Variants in MYO10 observed in about 807,000 individuals in gnomAD.
MYO10 encodes the protein myosin X, also known as unconventional myosin-X.
In MYO10, 133 loss-of-function variants were observed where a neutral mutation model predicts 257.3. The ratio of observed to expected loss-of-function variants is 0.52; its 90% CI spans 0.45 to 0.60. The LOEUF (loss-of-function observed/expected upper bound fraction) is 0.60. MYO10 is among the 20% of genes least tolerant of loss of function. MYO10 has a pLI of 0.00. For missense variants in MYO10, 2,399 were observed against 2,635.7 expected (o/e 0.91, Z 1.97); for synonymous variants, 1,104 against 1,028.6 (o/e 1.07, Z -1.40).
chr5:16,719,993 T>TGC (rs1460095152), intron 19 of MYO10, among the ~76,000 whole-genome samples: 5 of 125,332 alleles, frequency 4.0e-5, no homozygotes, highest in African/African-American at 2.5e-4. Flanking sequence ...TGCGTGCGTG[T>TGC]GTGTGTGTGT....
At chr5:16,691,370 T>C (rs1408846004) in intron 27 of MYO10, among the ~76,000 whole-genome samples, 3 of 151,126 alleles carry the variant, frequency 2.0e-5, no homozygotes, top group African/African-American at 7.3e-5. Context: ...TCTGACCTCA[T>C]AGCTAGAATC....
chr5:16,930,800 C>G (rs1701719367), intron 1 of MYO10, among the ~76,000 whole-genome samples: 1 of 152,156 alleles, frequency 6.6e-6, no homozygotes, highest in Admixed American at 6.5e-5. Flanking sequence ...TCGGAGGGAG[C>G]CAAGCGCTAC....
intron 2 of MYO10, among the ~76,000 whole-genome samples, chr5:16,823,467 G>GGGGTTTTTT (rs1561003861): frequency 0.016 from 65 of 3,984 alleles, 17 homozygotes; most frequent in Non-Finnish European, 0.03. Flanking sequence ...GGGGAGTGGG[G>GGGGTTTTTT]ATTTTTTTTT....
At position 16,732,572 on chromosome 5, in the gene MYO10, T is replaced by C. The variant is rs1306882421; in HGVS notation, c.1930-21327A>G. On this transcript the variant is annotated intron_variant, in intron 19 of 40. Coordinates refer to ENST00000513610, the MANE Select transcript of MYO10 (RefSeq NM_012334.3). ...GAGAAATACAAATTAGGAGGGCAGCTGTCTCTCTTTGTAGATGTTGCCAAG... is the reference window on the plus strand; with the variant it reads ...GAGAAATACAAATTAGGAGGGCAGCCGTCTCTCTTTGTAGATGTTGCCAAG... Among the ~76,000 whole-genome samples, 3 of 152,232 alleles carry C rather than the reference T, an allele frequency of 2.0e-5. No individual in the cohort carries two copies. In the East Asian group the frequency reaches 5.8e-4, roughly 29 times the overall value.
chr5:16,672,911 GGGAGCTGCTGGCACAA>G, intron 36 of MYO10, 86 bp from the exon 37 acceptor site: 2 of 1,468,642 alleles, frequency 1.4e-6, no homozygotes, highest in Non-Finnish European at 9.1e-7. Context: ...TGATCCCAGA[GGGAGCTGCTGGCACAA>G]GGGCGTCTCC....
intron 30 of MYO10, 61 bp from the exon 31 acceptor site, chr5:16,682,074 T>C (rs1343610103): frequency 1.9e-6 from 3 of 1,564,284 alleles, no homozygotes; most frequent in East Asian, 2.2e-5. Context: ...ATCACCTCTG[T>C]GTGAACCGAG....
intron 1 of MYO10, among the ~76,000 whole-genome samples, chr5:16,925,646 A>G (rs1746111020): frequency 6.6e-6 from 1 of 151,810 alleles, no homozygotes; most frequent in Non-Finnish European, 1.5e-5. Flanking sequence ...TCCTGACCTC[A>G]GGTGATCCAC....
At chr5:16,669,414 C>G (rs1313042632) in intron 39 of MYO10, among the ~76,000 whole-genome samples, 4 of 152,068 alleles carry the variant, frequency 2.6e-5, no homozygotes, top group Non-Finnish European at 2.9e-5. Flanking sequence ...CCGTGTTAGC[C>G]AGGATGGTCT....
chr5:16,914,477 T>A (rs535637004), intron 1 of MYO10, among the ~76,000 whole-genome samples: 95 of 152,352 alleles, frequency 6.2e-4, no homozygotes, highest in Middle Eastern at 3.4e-3. Context: ...ATCAGTGATA[T>A]CTGACAGAAC....
chr5:16,885,697 G>A (rs57103652), intron 1 of MYO10, among the ~76,000 whole-genome samples: 2,911 of 152,004 alleles, frequency 0.019, 99 homozygotes, highest in African/African-American at 0.067. Context: ...AAAAAACGGC[G>A]GGGGTTGGGG....
chr5:16,912,052 G>GTTGTTTGTTTGTTTGT (rs372889905), intron 1 of MYO10, among the ~76,000 whole-genome samples: 21 of 151,982 alleles, frequency 1.4e-4, no homozygotes, highest in African/African-American at 5.1e-4. Context: ...AAAAAATTAG[G>GTTGTTTGTTTGTTTGT]TTGTTTGTTT....
chr5:16,834,165 T>C (rs31506), intron 2 of MYO10, among the ~76,000 whole-genome samples: 105,845 of 151,764 alleles, frequency 0.7, 37,496 homozygotes, highest in East Asian at 0.83. Context: ...CTCTTTTGAG[T>C]TTCCCCACCA....
chr5:16,729,107 T>C (rs566843982), intron 19 of MYO10, among the ~76,000 whole-genome samples: 1 of 152,214 alleles, frequency 6.6e-6, no homozygotes, highest in African/African-American at 2.4e-5. Flanking sequence ...TTGAGATGCA[T>C]TGTTCTAGAA....
At position 16,701,086 on chromosome 5, in the gene MYO10, G is replaced by A. The variant is rs376020827; in HGVS notation, c.3309C>T (p.Ser1103=). The change falls in exon 25 of 41, where the codon TCC becomes TCT. Residue 1103 remains serine, a synonymous_variant. Coordinates refer to ENST00000513610, the MANE Select transcript of MYO10 (RefSeq NM_012334.3). This position sits in a 1 kb window ranked among gnomAD's most constrained non-coding sequence, Gnocchi z 8.1. ...AGTTGGAGAAGGTCACGCTGCTGCC[G>A]GAAGTGATGGCACCGTCCTCATAGT... ...QDDYEDGAIT[S]GSSVTFSNSY... The A allele has an allele frequency of 5.6e-5, 88 of 1,582,184 alleles. No homozygotes were observed. The African/African-American group carries it at 9.0e-4, about 16-fold the overall frequency.
chr5:16,674,487 G>A (rs1736628066), intron 35 of MYO10, among the ~76,000 whole-genome samples: 3 of 151,502 alleles, frequency 2.0e-5, no homozygotes, highest in Admixed American at 6.6e-5. Flanking sequence ...GAAAAGAAAA[G>A]ACACTTCTTT....
intron 1 of MYO10, among the ~76,000 whole-genome samples, chr5:16,907,579 G>C (rs1343839435): frequency 6.6e-6 from 1 of 152,160 alleles, no homozygotes; most frequent in Admixed American, 6.5e-5. Flanking sequence ...CACTAACAAT[G>C]TCCGAAAGGA....
intron 18 of MYO10, among the ~76,000 whole-genome samples, chr5:16,756,245 T>C (rs1329296509): frequency 6.6e-6 from 1 of 152,108 alleles, no homozygotes; most frequent in East Asian, 1.9e-4. Context: ...TTAATTTTTT[T>C]TGTAGAGATG....
intron 19 of MYO10, among the ~76,000 whole-genome samples, chr5:16,752,677 C>T (rs1248255387): frequency 2.0e-5 from 3 of 152,176 alleles, no homozygotes; most frequent in African/African-American, 4.8e-5. Context: ...GAGGAGAGAA[C>T]GCCATCGGAT....
chr5:16,701,417 ACCT>A lies in MYO10; in HGVS notation c.2975_2977del (p.Glu992del), dbSNP rs1738062641. The A allele has an allele frequency of 6.2e-7, 1 of 1,613,426 alleles. No individual in the cohort carries two copies. The highest frequency in any genetic ancestry group is 1.3e-5 in the African/African-American group (1 of 74,822). On this transcript the variant is annotated inframe_deletion, in exon 25 of 41. Coordinates refer to ENST00000513610, the MANE Select transcript of MYO10 (RefSeq NM_012334.3). The surrounding 1 kb of genome is among the most constrained non-coding windows in gnomAD (Gnocchi z 8.1). ...GTCGTCGGCTTCGAAGCCCTCATCG[ACCT>A]CCTCCTCTGGGTAGGGCTGGCTGAA...
Sources: gnomAD v4.1 joint callset for allele counts (sites outside exome capture counted in the v4.1 genomes callset) on GRCh38, gnomAD v4.1.1 for gene constraint, Gnocchi (gnomAD v3.1) non-coding constraint, MANE v1.5 for transcripts, NCBI Gene and HGNC (gene_info 2026-07-23, HGNC 2026-07-21) for gene names.